Variants in TNRC6B observed in about 807,000 individuals in gnomAD.
TNRC6B encodes the protein trinucleotide repeat-containing gene 6B protein.
In TNRC6B, 52 loss-of-function variants were observed where a neutral mutation model predicts 203.6. That is an observed-to-expected ratio of 0.26 (90% CI 0.20 to 0.32). The LOEUF is 0.32. TNRC6B is among the 10% of genes least tolerant of loss of function. The pLI, the probability that TNRC6B is intolerant of heterozygous loss-of-function variation, is 1.00. For missense variants in TNRC6B, 1,923 were observed against 2,286.2 expected (o/e 0.84, Z 3.24); for synonymous variants, 838 against 845.7 (o/e 0.99, Z 0.16).
chr22:40,185,149 G>C (rs1022211647), intron 1 of TNRC6B, among the ~76,000 whole-genome samples: 2 of 152,026 alleles, frequency 1.3e-5, no homozygotes, highest in African/African-American at 2.4e-5. Context: ...TGCCACCACG[G>C]CCAGCTAATT....
At chr22:40,171,993 T>A (rs1424443307) in intron 4 of TNRC6B, among the ~76,000 whole-genome samples, 2 of 152,056 alleles carry the variant, frequency 1.3e-5, no homozygotes, top group Non-Finnish European at 2.9e-5. Flanking sequence ...TCCAAGTAGC[T>A]GGGATTACAG....
chr22:40,239,721 C>T (rs377197646), intron 1 of TNRC6B, among the ~76,000 whole-genome samples: 4 of 152,262 alleles, frequency 2.6e-5, no homozygotes, highest in East Asian at 1.9e-4. Context: ...GGGATGTAGC[C>T]GGTTCCTAGG....
chr22:40,273,292 A>G (rs567387314), intron 6 of TNRC6B, 133 bp from the exon 7 acceptor site: 4 of 796,780 alleles, frequency 5.0e-6, no homozygotes, highest in Non-Finnish European at 7.5e-6. Flanking sequence ...ATGAGTAATA[A>G]TATTTGTCTT....
At chr22:40,300,815 T>C in intron 13 of TNRC6B, 95 bp from the exon 14 acceptor site, 2 of 1,299,706 alleles carry the variant, frequency 1.5e-6, no homozygotes, top group Non-Finnish European at 2.1e-6. Flanking sequence ...CTTTTGATTG[T>C]GTGACCTGTA....
intron 3 of TNRC6B, among the ~76,000 whole-genome samples, chr22:40,144,579 G>A (rs1050514521): frequency 2.0e-5 from 3 of 151,682 alleles, no homozygotes; most frequent in African/African-American, 7.3e-5. Context: ...GTAGGCTGAG[G>A]CAGGAGAATG....
At chr22:40,059,575 T>C (rs1948316644) in intron 1 of TNRC6B, among the ~76,000 whole-genome samples, 3 of 152,232 alleles carry the variant, frequency 2.0e-5, no homozygotes, top group South Asian at 2.1e-4. Flanking sequence ...AACTGTGGTA[T>C]GATCTGTGCG....
intron 4 of TNRC6B, among the ~76,000 whole-genome samples, chr22:40,166,792 G>C (rs1186524822): frequency 1.3e-5 from 2 of 151,972 alleles, no homozygotes; most frequent in African/African-American, 2.4e-5. Context: ...CTACTCAGGA[G>C]GCTAAGGCAG....
intron 1 of TNRC6B, among the ~76,000 whole-genome samples, chr22:40,181,239 A>G (rs2069124953): frequency 6.6e-6 from 1 of 152,144 alleles, no homozygotes. Context: ...CAGCTCTACA[A>G]GAGACACTAG....
At chr22:40,238,461 A>G (rs774210490) in intron 1 of TNRC6B, among the ~76,000 whole-genome samples, 28 of 152,142 alleles carry the variant, frequency 1.8e-4, no homozygotes, top group Non-Finnish European at 8.8e-5. Flanking sequence ...CCCTGTAAGG[A>G]GATCCCCCCG....
At chr22:40,143,689 G>A (rs879838702) in intron 3 of TNRC6B, among the ~76,000 whole-genome samples, 29 of 152,164 alleles carry the variant, frequency 1.9e-4, no homozygotes, top group Admixed American at 2.6e-4. Flanking sequence ...GTAGAGACAG[G>A]GTTTCACCGT....
At chr22:40,201,716 C>T (rs572672750) in intron 1 of TNRC6B, among the ~76,000 whole-genome samples, 3 of 152,200 alleles carry the variant, frequency 2.0e-5, no homozygotes, top group African/African-American at 2.4e-5. Context: ...TGAGCCACCA[C>T]ACCCAGCCTC....
At chr22:40,178,199 G>A (rs1440838080) in intron 1 of TNRC6B, 59 bp downstream of exon 1, 15 of 1,581,128 alleles carry the variant, frequency 9.5e-6, no homozygotes, top group Non-Finnish European at 1.7e-6. Flanking sequence ...TTGTCTAACC[G>A]TTTTCACTGG....
intron 19 of TNRC6B, among the ~76,000 whole-genome samples, chr22:40,314,381 T>G (rs1377583659): frequency 1.3e-5 from 2 of 152,194 alleles, no homozygotes; most frequent in African/African-American, 4.8e-5. Context: ...TCTGTTCCAT[T>G]CTATTTACTA....
chr22:40,148,159 AG>A (rs2068711290), intron 3 of TNRC6B, among the ~76,000 whole-genome samples: 1 of 152,232 alleles, frequency 6.6e-6, no homozygotes, highest in Non-Finnish European at 1.5e-5. Context: ...AACCATGATT[AG>A]AATTGGCTAA....
At chr22:40,055,293 C>T (rs939456286) in intron 1 of TNRC6B, among the ~76,000 whole-genome samples, 6 of 152,050 alleles carry the variant, frequency 3.9e-5, no homozygotes, top group Non-Finnish European at 7.4e-5. Flanking sequence ...GTCATCAACA[C>T]GATGGGGAGG....
At chr22:40,268,155 T>G (rs2070506854) in intron 5 of TNRC6B, among the ~76,000 whole-genome samples, 1 of 152,194 alleles carries the variant, frequency 6.6e-6, no homozygotes, top group African/African-American at 2.4e-5. Flanking sequence ...TGGCACGATC[T>G]CGGCTCGCTA....
At chr22:40,135,317 T>G (rs1293437444) in intron 3 of TNRC6B, among the ~76,000 whole-genome samples, 1 of 152,174 alleles carries the variant, frequency 6.6e-6, no homozygotes, top group Admixed American at 6.5e-5. Context: ...AAGACTGACC[T>G]TAAATATGAG....
chr22:40,265,862 C>T lies in TNRC6B; in HGVS notation c.1632C>T (p.His544=). ...GAGCATGGGACAATCAAAAGGGCCA[C>T]CCCCTCCCTGAAAACCAAGGCAATG... ...STGAWDNQKG[H]PLPENQGNAQ... Residue 544 remains histidine (H), a synonymous_variant, in exon 5 of 23, where the codon CAC becomes CAT. Transcript: ENST00000454349. The T allele has an allele frequency of 6.2e-7, 1 of 1,613,984 alleles. No homozygotes were observed. Among genetic ancestry groups the T allele is most frequent in the Non-Finnish European group, 8.5e-7 (1 of 1,179,896 alleles).
chr22:40,200,771 C>G (rs766388194), intron 1 of TNRC6B, among the ~76,000 whole-genome samples: 7 of 152,056 alleles, frequency 4.6e-5, no homozygotes, highest in Non-Finnish European at 1.0e-4. Context: ...CACTGTATTC[C>G]TGGGAATTAC....
Sources: allele counts gnomAD v4.1 joint callset (sites outside exome capture counted in the v4.1 genomes callset), GRCh38; gene constraint gnomAD v4.1.1; transcripts MANE v1.5; gene names NCBI Gene and HGNC (gene_info 2026-07-23, HGNC 2026-07-21).